Variants in RAB9A observed in about 807,000 individuals in gnomAD.
RAB9A encodes RAB9A, member RAS oncogene family.
A neutral mutation model predicts 10.3 loss-of-function variants in RAB9A; 1 was observed. That is an observed-to-expected ratio of 0.10 (90% confidence interval 0.03 to 0.46). The LOEUF (loss-of-function observed/expected upper bound fraction) is 0.46, where lower values mean the gene tolerates loss of function less well. RAB9A is among the 20% of genes least tolerant of loss of function. The probability of loss-of-function intolerance (pLI) is 0.96; values close to 1 mark genes in which losing one functional copy is unlikely to be tolerated. For missense variants in RAB9A, 92 were observed against 150.3 expected (o/e 0.61, Z 2.03); for synonymous variants, 39 against 55.2 (o/e 0.71, Z 1.30).
chrX:13,694,839 C>T (rs1017431929), intron 1 of RAB9A, among the ~76,000 whole-genome samples: 83 of 111,865 alleles, frequency 7.4e-4, no homozygotes, highest in African/African-American at 2.6e-3. Flanking sequence ...CCTTGGGCCC[C>T]TCATTTCCCC....
At chrX:13,705,445 C>T (rs1169811879) in intron 2 of RAB9A, among the ~76,000 whole-genome samples, 2 of 111,475 alleles carry the variant, frequency 1.8e-5, no homozygotes, top group Non-Finnish European at 3.8e-5. Flanking sequence ...CAGAATGAGA[C>T]AAACTAAGAA....
chrX:13,705,797 G>GACA (rs371781717), intron 2 of RAB9A, among the ~76,000 whole-genome samples: 20 of 23,348 alleles, frequency 8.6e-4, no homozygotes, highest in Non-Finnish European at 1.7e-3. Flanking sequence ...CAGTGGAGGT[G>GACA]ACCATGCTAA....
At chrX:13,703,679 C>T (rs2046184628) in intron 1 of RAB9A, 135 bp from the exon 2 acceptor site, 1 of 111,696 alleles carries the variant, frequency 9.0e-6, no homozygotes, top group African/African-American at 3.3e-5. Context: ...CCTTCAGCTT[C>T]CTAATGTAGG....
At chrX:13,705,256 GT>G (rs780949384) in intron 2 of RAB9A, among the ~76,000 whole-genome samples, 98 of 112,093 alleles carry the variant, frequency 8.7e-4, no homozygotes, top group Non-Finnish European at 1.6e-3. Context: ...CACCATGTGT[GT>G]TTTTATACAA....
rs770619368 is a variant in RAB9A, at chrX:13,709,386, C to T, written c.*34C>T. 1.7e-6 allele frequency: 2 copies of T among 1,154,936 alleles called. No individual in the cohort carries two copies. Among genetic ancestry groups the T allele is most frequent in the South Asian group, 4.1e-5 (2 of 49,185 alleles). ...TTGTTGATGCATTCTAACCAACTCA[C>T]ACATATACACAAAATCAACATGGGG... On this transcript the variant is annotated 3_prime_UTR_variant, in exon 3 of 3. Coordinates refer to ENST00000464506, the MANE Select transcript of RAB9A (RefSeq NM_004251.5).
Position 13,708,883 on chromosome X carries a change from A to G in RAB9A, c.137A>G (p.Asn46Ser), listed in dbSNP as rs1602700762. Reference protein sequence around the residue: ...LFHTIGVEFLNKDLEVDGHFV... With the variant: ...LFHTIGVEFLSKDLEVDGHFV... ...CATACAATAGGTGTGGAATTTTTAA[A>G]TAAAGATTTGGAAGTGGATGGACAT... Residue 46 changes from asparagine (N) to serine (S), a missense_variant, in exon 3 of 3, where the codon AAT becomes AGT. Transcript: ENST00000464506. The G allele has an allele frequency of 4.1e-6, 5 of 1,211,297 alleles. No homozygotes were observed. The East Asian group carries it at 1.2e-4, about 29-fold the overall frequency.
chrX:13,710,387 C>T lies in RAB9A; in HGVS notation c.*1035C>T, dbSNP rs1173749596. 1.6e-5 allele frequency: 2 copies of T among 123,720 alleles called. No individual in the cohort carries two copies. Among genetic ancestry groups the T allele is most frequent in the Non-Finnish European group, 3.8e-5 (2 of 53,302 alleles). The allele number at this position is 123,720 out of a possible 1,213,427, so 10.2% of individuals were successfully genotyped here. A position where few individuals can be genotyped will look rare whatever the true frequency, so the allele number is the denominator to read the frequency against. On this transcript the variant is annotated 3_prime_UTR_variant, in exon 3 of 3. Transcript: ENST00000464506. ...ATTCGGCAATGTATTTACTTAGTGT[C>T]TTCTCTATTACTGAACATTTAGTGA... is the stretch of plus-strand genomic sequence containing the variant.
chrX:13,702,022 C>G (rs779662353), intron 1 of RAB9A, among the ~76,000 whole-genome samples: 1 of 111,195 alleles, frequency 9.0e-6, no homozygotes, highest in Non-Finnish European at 1.9e-5. Context: ...ACTGCTGAAG[C>G]TATTTCAGAG....
chrX:13,695,312 A>G (rs969696998), intron 1 of RAB9A, among the ~76,000 whole-genome samples: 32 of 111,658 alleles, frequency 2.9e-4, no homozygotes, highest in African/African-American at 1.0e-3. Flanking sequence ...TTGGATTTGT[A>G]CCTTACGTAG....
chrX:13,693,141 A>G (rs775822440), intron 1 of RAB9A, among the ~76,000 whole-genome samples: 2 of 106,602 alleles, frequency 1.9e-5, no homozygotes, highest in Admixed American at 2.1e-4. Flanking sequence ...AGAGGCAGCA[A>G]ATTATTAGCT....
chrX:13,690,745 C>T (rs2046117479), intron 1 of RAB9A, among the ~76,000 whole-genome samples: 1 of 111,547 alleles, frequency 9.0e-6, no homozygotes, highest in Non-Finnish European at 1.9e-5. Context: ...CACTCTGCGG[C>T]GAATATTCCG....
At chrX:13,692,360 T>A (rs2046129641) in intron 1 of RAB9A, among the ~76,000 whole-genome samples, 1 of 111,846 alleles carries the variant, frequency 8.9e-6, no homozygotes, top group South Asian at 3.7e-4. Flanking sequence ...GGCACAGAAG[T>A]ACCTGTGTCA....
At chrX:13,708,448 C>T (rs1166823563) in intron 2 of RAB9A, among the ~76,000 whole-genome samples, 1 of 111,495 alleles carries the variant, frequency 9.0e-6, no homozygotes, top group Non-Finnish European at 1.9e-5. Flanking sequence ...CGGTTCAGAG[C>T]AAGGGCTTTG....
rs765881946 is a variant in RAB9A, at chrX:13,707,176, G to A, written c.-26-1545G>A. Among the ~76,000 whole-genome samples the A allele has an allele frequency of 3.6e-5, 4 of 112,285 alleles. No individual in the cohort carries two copies. In the South Asian group the frequency reaches 1.5e-3, roughly 41 times the overall value. On this transcript the variant is annotated intron_variant, in intron 2 of 2. Coordinates refer to ENST00000464506, the MANE Select transcript of RAB9A (RefSeq NM_004251.5). ...TGTCAAGTGTTCCACAGTCACATGC[G>A]GCTAAGTGGCTGCTATATTGGACAT...
At chrX:13,696,000 T>C (rs2046146036) in intron 1 of RAB9A, among the ~76,000 whole-genome samples, 1 of 111,284 alleles carries the variant, frequency 9.0e-6, no homozygotes, top group Admixed American at 9.6e-5. Flanking sequence ...ATAGAAGCAG[T>C]AATGGGTGGT....
intron 1 of RAB9A, among the ~76,000 whole-genome samples, chrX:13,700,829 G>A (rs988412048): frequency 2.7e-5 from 3 of 110,623 alleles, no homozygotes; most frequent in African/African-American, 9.9e-5. Flanking sequence ...GGAGTGCAGT[G>A]ATGTGATCAC....
chrX:13,703,580 C>T (rs1370645081), intron 1 of RAB9A, among the ~76,000 whole-genome samples: 2 of 112,075 alleles, frequency 1.8e-5, no homozygotes, highest in Admixed American at 1.9e-4. Context: ...ACCTTTGGTT[C>T]AGACCAATAG....
At chrX:13,699,916 A>G (rs1445140581) in intron 1 of RAB9A, among the ~76,000 whole-genome samples, 1 of 112,479 alleles carries the variant, frequency 8.9e-6, no homozygotes, top group Non-Finnish European at 1.9e-5. Context: ...CCAATAAAAA[A>G]AGTCTAACTT....
chrX:13,705,409 G>C (rs983323643), intron 2 of RAB9A, among the ~76,000 whole-genome samples: 9 of 111,749 alleles, frequency 8.1e-5, no homozygotes, highest in African/African-American at 2.9e-4. Context: ...TTCCTGGTGG[G>C]CTGGCATACC....
Sources: gnomAD v4.1 joint callset for allele counts (sites outside exome capture counted in the v4.1 genomes callset) on GRCh38, gnomAD v4.1.1 for gene constraint, MANE v1.5 for transcripts, NCBI Gene and HGNC (gene_info 2026-07-23, HGNC 2026-07-21) for gene names.